Variants in SMIM35 observed in about 807,000 individuals in gnomAD.
SMIM35 encodes TMPRSS4 antisense RNA 1 (non-protein coding).
chr11:118,033,334 A>T (rs4936418), intron 1 of SMIM35, among the ~76,000 whole-genome samples: 41,498 of 151,946 alleles, frequency 0.27, 5,666 homozygotes, highest in South Asian at 0.3. Context: ...TCTCACCCAA[A>T]CCTTACCCTG....
chr11:118,055,365 G>C (rs908281524), intron 1 of SMIM35, among the ~76,000 whole-genome samples: 5 of 152,050 alleles, frequency 3.3e-5, no homozygotes, highest in African/African-American at 1.2e-4. Context: ...CGCTATTCCT[G>C]GTTTCCTAAG....
intron 1 of SMIM35, chr11:118,028,886 A>G: frequency 2.3e-6 from 1 of 442,962 alleles, no homozygotes; most frequent in Admixed American, 2.4e-5. Flanking sequence ...GGGGAGAAGA[A>G]GGAGGAGGGG....
At chr11:118,007,161 G>C (rs1418486731) in intron 4 of SMIM35, among the ~76,000 whole-genome samples, 1 of 151,802 alleles carries the variant, frequency 6.6e-6, no homozygotes, top group Admixed American at 6.6e-5. Context: ...GGAGGGAGAA[G>C]TAGGTTCTTG....
intron 1 of SMIM35, among the ~76,000 whole-genome samples, chr11:118,048,207 T>C (rs1944134422): frequency 6.6e-6 from 1 of 152,200 alleles, no homozygotes; most frequent in Admixed American, 6.5e-5. Flanking sequence ...AGTAATTAAT[T>C]TAAAAAAGTG....
intron 1 of SMIM35, among the ~76,000 whole-genome samples, chr11:118,035,293 C>G (rs1484367485): frequency 2.0e-5 from 3 of 152,024 alleles, no homozygotes; most frequent in Non-Finnish European, 4.4e-5. Context: ...TTCTCCCTGC[C>G]CACCTCTCAT....
At chr11:118,080,010 C>T (rs905255646) in intron 1 of SMIM35, among the ~76,000 whole-genome samples, 1 of 152,162 alleles carries the variant, frequency 6.6e-6, no homozygotes, top group Non-Finnish European at 1.5e-5. Context: ...ACCACTCCCC[C>T]CCCACCAAAA....
Position 118,009,473 on chromosome 11 carries a change from C to T in SMIM35, c.*34-3097G>A, listed in dbSNP as rs534948785. 1.6e-3 allele frequency among the ~76,000 whole-genome samples: 242 copies of T among 152,234 alleles called. 1 individual carries two copies. The highest frequency in any genetic ancestry group is 2.9e-3 in the Non-Finnish European group (198 of 68,018). On this transcript the variant is annotated intron_variant, in intron 4 of 4. Coordinates refer to ENST00000689828, the MANE Select transcript of SMIM35 (RefSeq NM_001394165.1). ...CTGATATGTGCTCAGCAAATGTTAGCGTTTCACCCTACAGGTAAAGTTGGT... is the reference window on the plus strand; with the variant it reads ...CTGATATGTGCTCAGCAAATGTTAGTGTTTCACCCTACAGGTAAAGTTGGT...
chr11:118,024,590 A>G (rs7942146), intron 1 of SMIM35, among the ~76,000 whole-genome samples: 14,576 of 152,080 alleles, frequency 0.096, 972 homozygotes, highest in East Asian at 0.37. Flanking sequence ...CTTCTGTCTC[A>G]GCCTCCCAAG....
chr11:118,051,400 T>C (rs1052781245), intron 1 of SMIM35, among the ~76,000 whole-genome samples: 1 of 152,232 alleles, frequency 6.6e-6, no homozygotes, highest in Non-Finnish European at 1.5e-5. Flanking sequence ...GGCACTATCC[T>C]AGCACAGTCT....
rs943884300 is a variant in SMIM35, at chr11:118,086,931, G to A, written c.-174C>T. 5 of 152,506 alleles carry A rather than the reference G, an allele frequency of 3.3e-5. No homozygotes were observed. The highest frequency in any genetic ancestry group is 3.3e-4 in the Admixed American group (5 of 15,282). 9.4% of individuals were successfully genotyped at this position (152,506 alleles called of 1,614,324 possible). A position where few individuals can be genotyped will look rare whatever the true frequency, so the allele number is the denominator to read the frequency against. On this transcript the variant is annotated 5_prime_UTR_variant, in exon 1 of 5. Coordinates refer to ENST00000689828, the MANE Select transcript of SMIM35 (RefSeq NM_001394165.1). ...TCCCTCAGAGGAGCACTGTGGCCGGGCCCCACTCTGCAAGCTGACGGCAAG... is the reference window on the plus strand; with the variant it reads ...TCCCTCAGAGGAGCACTGTGGCCGGACCCCACTCTGCAAGCTGACGGCAAG...
intron 1 of SMIM35, among the ~76,000 whole-genome samples, chr11:118,035,881 G>GTGTTTGTTTGTT (rs1555072795): frequency 4.3e-4 from 66 of 152,184 alleles, no homozygotes; most frequent in African/African-American, 1.5e-3. Flanking sequence ...CTAATATGTG[G>GTGTTTGTTTGTT]TGTTTGTTTG....
intron 1 of SMIM35, among the ~76,000 whole-genome samples, chr11:118,020,779 CT>C (rs57873970): frequency 0.096 from 14,582 of 152,096 alleles, 970 homozygotes; most frequent in East Asian, 0.37. Flanking sequence ...AGGCCATTTG[CT>C]TTCTTACTTT....
intron 1 of SMIM35, among the ~76,000 whole-genome samples, chr11:118,065,053 G>C (rs1456910029): frequency 2.6e-5 from 4 of 152,194 alleles, no homozygotes; most frequent in Middle Eastern, 3.2e-3. Flanking sequence ...GAAATGACCA[G>C]ATAAGGCCAG....
At chr11:118,016,107 T>C (rs1200673512) in intron 1 of SMIM35, among the ~76,000 whole-genome samples, 1 of 152,164 alleles carries the variant, frequency 6.6e-6, no homozygotes, top group Non-Finnish European at 1.5e-5. Flanking sequence ...GAAAAAGCTC[T>C]ACCTGTGTCG....
chr11:118,073,317 C>T (rs972538045), intron 1 of SMIM35, among the ~76,000 whole-genome samples: 3 of 152,114 alleles, frequency 2.0e-5, no homozygotes, highest in Admixed American at 6.6e-5. Flanking sequence ...AAGAAGATGG[C>T]GTGCAAGAGG....
At chr11:118,077,282 C>T (rs369300394) in intron 1 of SMIM35, 10 of 1,600,310 alleles carry the variant, frequency 6.2e-6, no homozygotes, top group African/African-American at 2.7e-5. Context: ...ACAGGGAGAC[C>T]GGGAGGATCA....
intron 1 of SMIM35, among the ~76,000 whole-genome samples, chr11:118,068,753 A>G (rs1944524921): frequency 6.6e-6 from 1 of 152,134 alleles, no homozygotes; most frequent in Non-Finnish European, 1.5e-5. Context: ...AAAAGCGAGA[A>G]ACCCGGGGTA....
At chr11:118,027,965 G>A (rs2058288405) in intron 1 of SMIM35, among the ~76,000 whole-genome samples, 1 of 152,186 alleles carries the variant, frequency 6.6e-6, no homozygotes, top group African/African-American at 2.4e-5. Context: ...CAATATAATT[G>A]TGATCTTCTA....
intron 1 of SMIM35, among the ~76,000 whole-genome samples, chr11:118,062,857 G>A (rs923275467): frequency 3.2e-4 from 49 of 152,104 alleles, no homozygotes; most frequent in Non-Finnish European, 2.4e-4. Context: ...GACAGTTAAG[G>A]TATTCTAAGT....
Sources: gnomAD v4.1 joint callset for allele counts (sites outside exome capture counted in the v4.1 genomes callset) on GRCh38, gnomAD v4.1.1 for gene constraint, MANE v1.5 for transcripts, NCBI Gene and HGNC (gene_info 2026-07-23, HGNC 2026-07-21) for gene names.